TPST2: variants seen among roughly 807,000 people sequenced by gnomAD.
TPST2 encodes the protein protein-tyrosine sulfotransferase 2.
TPST2 carries 16 observed loss-of-function variants against 27.8 expected under a neutral mutation model. The ratio of observed to expected loss-of-function variants is 0.58; its 90% confidence interval spans 0.39 to 0.88. The LOEUF (loss-of-function observed/expected upper bound fraction) is 0.88, where lower values mean the gene tolerates loss of function less well. Among genes scored for constraint, TPST2 ranks in the 40% least tolerant of loss-of-function variants. The pLI, the probability that TPST2 is intolerant of heterozygous loss-of-function variation, is 0.00. For missense variants in TPST2, 464 were observed against 543.1 expected (o/e 0.85, Z 1.45); for synonymous variants, 229 against 231.7 (o/e 0.99, Z 0.10).
rs547899040 is a variant in TPST2, at chr22:26,576,268, T to C, written c.-161+13785A>G. Among the ~76,000 whole-genome samples the C allele has an allele frequency of 1.3e-4, 19 of 151,294 alleles. No individual in the cohort carries two copies. In the East Asian group the frequency reaches 2.9e-3, roughly 23 times the overall value. On this transcript the variant is annotated intron_variant, in intron 1 of 6. Coordinates refer to ENST00000338754, the MANE Select transcript of TPST2 (RefSeq NM_003595.5). ...ACTGACAACGATGGAGCTGGTCTTC[T>C]TGAAACACCATCAAAGCTGGACTTT...
chr22:26,572,575 C>T (rs1265136208), intron 1 of TPST2, among the ~76,000 whole-genome samples: 1 of 152,156 alleles, frequency 6.6e-6, no homozygotes, highest in Non-Finnish European at 1.5e-5. Context: ...TCTTGGGCTG[C>T]TTATCTCCTC....
intron 1 of TPST2, among the ~76,000 whole-genome samples, chr22:26,571,477 G>A (rs908707249): frequency 2.6e-5 from 4 of 151,882 alleles, no homozygotes; most frequent in African/African-American, 9.7e-5. Context: ...TCATATGATT[G>A]ACTTACATAT....
intron 1 of TPST2, among the ~76,000 whole-genome samples, chr22:26,581,082 GC>G (rs1380544384): frequency 1.3e-5 from 2 of 151,174 alleles, no homozygotes; most frequent in African/African-American, 4.9e-5. Flanking sequence ...TAGTCTTTGT[GC>G]CCTGAACTCT....
chr22:26,551,715 T>A (rs1602274442), intron 1 of TPST2, among the ~76,000 whole-genome samples: 1 of 152,056 alleles, frequency 6.6e-6, no homozygotes. Context: ...AAAGGCTGGG[T>A]GTCCTGGGTC....
intron 1 of TPST2, among the ~76,000 whole-genome samples, chr22:26,558,120 TACACACACACACACAC>T (rs71192941): frequency 0.23 from 33,015 of 141,276 alleles, 4,143 homozygotes; most frequent in South Asian, 0.34. Flanking sequence ...ATATATATAA[TACACACACACACACAC>T]ACACACACAC....
intron 3 of TPST2, among the ~76,000 whole-genome samples, chr22:26,539,870 C>T (rs986849256): frequency 1.3e-5 from 2 of 152,200 alleles, no homozygotes; most frequent in African/African-American, 4.8e-5. Flanking sequence ...CCAGTAACTT[C>T]TCCTCTGTGA....
chr22:26,580,341 G>A (rs989576876), intron 1 of TPST2, among the ~76,000 whole-genome samples: 81 of 152,266 alleles, frequency 5.3e-4, no homozygotes, highest in African/African-American at 1.7e-3. Flanking sequence ...CACCATCAAC[G>A]GGCACCTACA....
At chr22:26,580,803 C>G (rs1928071532) in intron 1 of TPST2, among the ~76,000 whole-genome samples, 1 of 152,050 alleles carries the variant, frequency 6.6e-6, no homozygotes, top group East Asian at 1.9e-4. Flanking sequence ...GCACTAAAGA[C>G]GCGTTAGCAC....
intron 1 of TPST2, among the ~76,000 whole-genome samples, chr22:26,550,815 T>G (rs1278979233): frequency 6.6e-6 from 1 of 151,616 alleles, no homozygotes; most frequent in East Asian, 1.9e-4. Context: ...ATCAGGGACC[T>G]CTGACCTATT....
intron 5 of TPST2, among the ~76,000 whole-genome samples, chr22:26,532,174 A>G (rs1013650944): frequency 2.0e-5 from 3 of 152,222 alleles, no homozygotes; most frequent in Non-Finnish European, 4.4e-5. Flanking sequence ...AAGCCGGAAG[A>G]CGAAGTGAGA....
Position 26,540,893 on chromosome 22 carries a change from C to T in TPST2, c.738G>A (p.Arg246=). 1 of 1,614,188 alleles carries T rather than the reference C, an allele frequency of 6.2e-7. No homozygotes were observed. Among genetic ancestry groups the T allele is most frequent in the Non-Finnish European group, 8.5e-7 (1 of 1,180,036 alleles). ...AGTCGAGGATGAGCTTGAGTGAGCG[C>T]CTGGGGTGCAGCACCAGCTGCTCGT... ...VYYEQLVLHP[R]RSLKLILDFL... The change falls in exon 3 of 7, where the codon AGG becomes AGA. Residue 246 remains arginine, a synonymous_variant. Coordinates refer to ENST00000338754, the MANE Select transcript of TPST2 (RefSeq NM_003595.5).
At chr22:26,561,574 T>C (rs1927098195) in intron 1 of TPST2, among the ~76,000 whole-genome samples, 1 of 149,546 alleles carries the variant, frequency 6.7e-6, no homozygotes, top group African/African-American at 2.5e-5. Context: ...GCTGTTTTGT[T>C]GACATTCTGA....
intron 1 of TPST2, among the ~76,000 whole-genome samples, chr22:26,553,340 C>T (rs1926590914): frequency 6.6e-6 from 1 of 150,394 alleles, no homozygotes; most frequent in African/African-American, 2.4e-5. Context: ...CACGTAAGGA[C>T]TAGCAGAGAG....
At chr22:26,551,873 TTTTCTTTTTC>T (rs771277152) in intron 1 of TPST2, among the ~76,000 whole-genome samples, 24 of 124,032 alleles carry the variant, frequency 1.9e-4, no homozygotes, top group African/African-American at 7.9e-4. Flanking sequence ...TTTCCTTTTC[TTTTCTTTTTC>T]TTTTTTTTTT....
intron 3 of TPST2, among the ~76,000 whole-genome samples, chr22:26,540,343 T>A (rs920786983): frequency 5.9e-5 from 9 of 152,180 alleles, no homozygotes. Context: ...CTCATGCCTG[T>A]AATCCCAGGA....
intron 1 of TPST2, chr22:26,550,661 CA>C: frequency 1.0e-6 from 1 of 985,936 alleles, no homozygotes; most frequent in Non-Finnish European, 1.2e-6. Context: ...AATTCCTCCC[CA>C]TGGGAACCAG....
At chr22:26,576,712 A>G (rs1292743866) in intron 1 of TPST2, among the ~76,000 whole-genome samples, 2 of 152,044 alleles carry the variant, frequency 1.3e-5, no homozygotes, top group African/African-American at 4.8e-5. Flanking sequence ...GCTCATGCCT[A>G]TAATCCCAAG....
At chr22:26,566,106 G>A (rs570381753) in intron 1 of TPST2, among the ~76,000 whole-genome samples, 16 of 152,310 alleles carry the variant, frequency 1.1e-4, no homozygotes, top group East Asian at 1.9e-4. Context: ...TGTGGTTGAC[G>A]TGGTGGGCAT....
At position 26,541,585 on chromosome 22, in the gene TPST2, G is replaced by C. The variant is rs1323633166; in HGVS notation, c.46C>G (p.Leu16Val). 3.1e-6 allele frequency: 5 copies of C among 1,602,572 alleles called. No individual in the cohort carries two copies. In the Admixed American group the frequency reaches 8.4e-5, roughly 27 times the overall value. ...RRVLLAAGCALVLVLAVQLGQ... is the reference protein window; with the variant it reads ...RRVLLAAGCAVVLVLAVQLGQ... ...AGCTGAACCGCCAGCACCAGGACCAGGGCGCAGCCGGCTGCCAGCAGCACC... is the reference window on the plus strand; with the variant it reads ...AGCTGAACCGCCAGCACCAGGACCACGGCGCAGCCGGCTGCCAGCAGCACC... Residue 16 changes from leucine to valine, a missense_variant, in exon 3 of 7, where the codon CTG becomes GTG. Transcript: ENST00000338754. This position sits in a 1 kb window ranked among gnomAD's most constrained non-coding sequence, Gnocchi z 5.9.
Sources: allele counts gnomAD v4.1 joint callset (sites outside exome capture counted in the v4.1 genomes callset), GRCh38; gene constraint gnomAD v4.1.1; non-coding constraint Gnocchi (gnomAD v3.1); transcripts MANE v1.5; gene names NCBI Gene and HGNC (gene_info 2026-07-23, HGNC 2026-07-21).